The following XPOT variants were observed in gnomAD, a reference collection of about 807,000 sequenced individuals.
XPOT encodes exportin-T.
In XPOT, 34 loss-of-function variants were observed where a neutral mutation model predicts 128.2. The observed-to-expected ratio is 0.27, with a 90% CI of 0.20 to 0.35. XPOT has a LOEUF of 0.35. Among genes scored for constraint, XPOT ranks in the 10% least tolerant of loss-of-function variants. The pLI is 1.00. For missense variants in XPOT, 838 were observed against 1,125.3 expected (o/e 0.74, Z 3.65); for synonymous variants, 348 against 394.3 (o/e 0.88, Z 1.39).
chr12:64,433,917 A>C (rs1194884056), intron 19 of XPOT, among the ~76,000 whole-genome samples: 1 of 152,190 alleles, frequency 6.6e-6, no homozygotes, highest in African/African-American at 2.4e-5. Flanking sequence ...TTGAAATATA[A>C]AATAAATGGA....
chr12:64,433,148 G>C (rs1473948849), intron 18 of XPOT, among the ~76,000 whole-genome samples: 2 of 152,194 alleles, frequency 1.3e-5, no homozygotes, highest in East Asian at 3.8e-4. Context: ...GTTTCACCAT[G>C]TTGGGCAGAC....
intron 23 of XPOT, among the ~76,000 whole-genome samples, chr12:64,444,108 T>C (rs2136040506): frequency 6.6e-6 from 1 of 152,364 alleles, no homozygotes; most frequent in Non-Finnish European, 1.5e-5. Context: ...CCCTTTTTCA[T>C]ATGCCTTATG....
In XPOT at chr12:64,425,024, T is replaced by C; in HGVS notation, c.1308-14T>C. 1 of 1,612,204 alleles carries C rather than the reference T, an allele frequency of 6.2e-7. No homozygotes were observed. Among genetic ancestry groups the C allele is most frequent in the South Asian group, 1.1e-5 (1 of 90,998 alleles). On this transcript the variant is annotated splice_polypyrimidine_tract_variant and intron_variant, in intron 12 of 24. Transcript: ENST00000332707. ...TTTATCTTTAAATCTCACTGACATA[T>C]TATACCTTGGTAGGAATTGGCAGAC... is the stretch of plus-strand genomic sequence containing the variant.
Position 64,421,225 on chromosome 12 carries a change from T to C in XPOT, c.844-10T>C. On this transcript the variant is annotated splice_polypyrimidine_tract_variant and intron_variant, in intron 8 of 24. Transcript: ENST00000332707. ...AGTTTTAAACAGAGATGTGTCTTGA[T>C]TGCTTATAGGAAGAAGATGTTGACT... The C allele has an allele frequency of 6.2e-7, 1 of 1,604,990 alleles. No individual in the cohort carries two copies. The highest frequency in any genetic ancestry group is 8.5e-7 in the Non-Finnish European group (1 of 1,171,832).
chr12:64,423,038 G>A lies in XPOT; in HGVS notation c.1114G>A (p.Val372Ile). ...GCTCTCGGATCAGCAAAAAGCTAAT[G>A]TAGAGGTAATTGACTTTATGCTTCT... Reference protein sequence around the residue: ...TVLSDQQKANVEAIMLAVMKK... With the variant: ...TVLSDQQKANIEAIMLAVMKK... The change falls in exon 10 of 25, where the codon GTA becomes ATA. Residue 372 changes from valine to isoleucine, a missense_variant. By Grantham distance (29) the Val-to-Ile change is conservative (BLOSUM62 3). Coordinates refer to ENST00000332707, the MANE Select transcript of XPOT (RefSeq NM_007235.6). The A allele has an allele frequency of 3.1e-6, 5 of 1,613,434 alleles. No homozygotes were observed. In the South Asian group the frequency reaches 5.5e-5, roughly 18 times the overall value.
intron 17 of XPOT, 60 bp downstream of exon 17, chr12:64,430,347 G>C: frequency 7.7e-7 from 1 of 1,304,422 alleles, no homozygotes; most frequent in Non-Finnish European, 1.0e-6. Context: ...AGAACCACTT[G>C]TTTGGTGGGC....
rs767160524 is a variant in XPOT at position 64,439,328 on chromosome 12, T to C, written c.2805+13T>C. The C allele has an allele frequency of 3.1e-6, 5 of 1,612,408 alleles. No homozygotes were observed. Among genetic ancestry groups the C allele is most frequent in the Non-Finnish European group, 3.4e-6 (4 of 1,178,582 alleles). On this transcript the variant is annotated intron_variant, in intron 23 of 24. Coordinates refer to ENST00000332707, the MANE Select transcript of XPOT (RefSeq NM_007235.6). ...AGAAATAATTCAGGTAAGAGCTATTTCTTACCATTGTGTAGGCGAGAGATC... is the reference window on the plus strand; with the variant it reads ...AGAAATAATTCAGGTAAGAGCTATTCCTTACCATTGTGTAGGCGAGAGATC...
In XPOT at chr12:64,449,577, T is replaced by G. The variant is rs1305265085; in HGVS notation, c.*1446T>G. 3 of 152,258 alleles carry G rather than the reference T, an allele frequency of 2.0e-5. No individual in the cohort carries two copies. The highest frequency in any genetic ancestry group is 4.4e-5 in the Non-Finnish European group (3 of 68,038). 9.4% of individuals were successfully genotyped at this position (152,258 alleles called of 1,614,324 possible). On this transcript the variant is annotated 3_prime_UTR_variant, in exon 25 of 25. Coordinates refer to ENST00000332707, the MANE Select transcript of XPOT (RefSeq NM_007235.6). ...GGGCTTCAGTGGCTTATAAACTCTG[T>G]AAAATTCTATTCTAAATTTTGTACA... is the stretch of plus-strand genomic sequence containing the variant.
chr12:64,417,547 T>C (rs1204256495), intron 4 of XPOT, among the ~76,000 whole-genome samples: 1 of 141,644 alleles, frequency 7.1e-6, no homozygotes, highest in Non-Finnish European at 1.6e-5. Flanking sequence ...AAAAAAAAAA[T>C]GAAAATCCAG....
intron 24 of XPOT, among the ~76,000 whole-genome samples, chr12:64,445,786 C>A (rs1286939883): frequency 6.6e-6 from 1 of 152,166 alleles, no homozygotes; most frequent in Admixed American, 6.5e-5. Flanking sequence ...AATAAAGTTA[C>A]AGTGTGACAA....
chr12:64,444,951 T>G, intron 23 of XPOT, 124 bp from the exon 24 acceptor site: 2 of 634,076 alleles, frequency 3.2e-6, no homozygotes, highest in Non-Finnish European at 4.9e-6. Context: ...CCAGCCTAGA[T>G]GACAGAGCAA....
chr12:64,446,043 G>A (rs751534610), intron 24 of XPOT, among the ~76,000 whole-genome samples: 2 of 150,720 alleles, frequency 1.3e-5, no homozygotes, highest in Non-Finnish European at 2.9e-5. Context: ...CAGAGTTTTT[G>A]TGGAAGAATA....
At position 64,434,755 on chromosome 12, in the gene XPOT, C is replaced by T. The variant is rs200594335; in HGVS notation, c.2570-39C>T. On this transcript the variant is annotated intron_variant, in intron 20 of 24. Transcript: ENST00000332707. ...CCCTGGTGATGAATTAATTGACTTA[C>T]TTTTATATATAAGATGAAAATTTGA... is the stretch of plus-strand genomic sequence containing the variant. The T allele has an allele frequency of 3.3e-5, 53 of 1,593,570 alleles. No individual in the cohort carries two copies. The East Asian group carries it at 8.3e-4, about 25-fold the overall frequency.
intron 1 of XPOT, among the ~76,000 whole-genome samples, chr12:64,405,653 C>G (rs1462668302): frequency 6.6e-6 from 1 of 152,224 alleles, no homozygotes; most frequent in Non-Finnish European, 1.5e-5. Flanking sequence ...GAGTCTCGCT[C>G]GGTCGCCCAG....
chr12:64,447,379 A>G (rs1275965224), intron 24 of XPOT, among the ~76,000 whole-genome samples: 1 of 152,240 alleles, frequency 6.6e-6, no homozygotes, highest in African/African-American at 2.4e-5. Context: ...GTAGTCTCAA[A>G]TTTTGACTTG....
intron 24 of XPOT, among the ~76,000 whole-genome samples, chr12:64,446,718 G>A (rs1308273499): frequency 2.7e-5 from 4 of 150,708 alleles, no homozygotes; most frequent in Admixed American, 2.6e-4. Context: ...CAAAAATCCT[G>A]CCTTACTAGC....
At chr12:64,423,656 G>T (rs995553210) in intron 11 of XPOT, among the ~76,000 whole-genome samples, 2 of 152,106 alleles carry the variant, frequency 1.3e-5, no homozygotes, top group African/African-American at 4.8e-5. Context: ...GTTTCGCCGT[G>T]TTGGCCAAGT....
At chr12:64,427,695 A>G (rs1203415960) in intron 15 of XPOT, among the ~76,000 whole-genome samples, 1 of 151,786 alleles carries the variant, frequency 6.6e-6, no homozygotes, top group Non-Finnish European at 1.5e-5. Context: ...GTCTCACCAC[A>G]TTGCCCAGCC....
chr12:64,445,284 T>TGTA (rs2040359233), intron 24 of XPOT, among the ~76,000 whole-genome samples, 153 bp downstream of exon 24: 1 of 152,214 alleles, frequency 6.6e-6, no homozygotes, highest in African/African-American at 2.4e-5. Flanking sequence ...ACACTGAATG[T>TGTA]GTACACCTTT....
Sources: gnomAD v4.1 joint callset for allele counts (sites outside exome capture counted in the v4.1 genomes callset) on GRCh38, gnomAD v4.1.1 for gene constraint, MANE v1.5 for transcripts, NCBI Gene and HGNC (gene_info 2026-07-23, HGNC 2026-07-21) for gene names.